MAGI2: variants seen among roughly 807,000 people sequenced by gnomAD.
The protein encoded by MAGI2 is membrane associated guanylate kinase, WW and PDZ domain containing 2.
MAGI2 carries 35 observed loss-of-function variants against 133.3 expected under a neutral mutation model. The observed-to-expected ratio is 0.26, with a 90% confidence interval of 0.20 to 0.35. The LOEUF (loss-of-function observed/expected upper bound fraction) is 0.35. MAGI2 is among the 10% of genes least tolerant of loss of function. The pLI is 1.00. For missense variants in MAGI2, 1,636 were observed against 1,863.4 expected (o/e 0.88, Z 2.25); for synonymous variants, 729 against 710.6 (o/e 1.03, Z -0.41).
intron 1 of MAGI2, among the ~76,000 whole-genome samples, chr7:79,146,870 A>G (rs923868364): frequency 6.6e-6 from 1 of 152,230 alleles, no homozygotes; most frequent in Non-Finnish European, 1.5e-5. Flanking sequence ...TTGCTATTCC[A>G]GTGTAACTCT....
rs149029205 is a variant in MAGI2, at chr7:78,842,155, A to G, written c.418+164935T>C. Among the ~76,000 whole-genome samples, 354 of 152,078 alleles carry G rather than the reference A, an allele frequency of 2.3e-3. 2 individuals carry two copies. The highest frequency in any genetic ancestry group is 8.1e-3 in the African/African-American group (335 of 41,520). On this transcript the variant is annotated intron_variant, in intron 2 of 21. Coordinates refer to ENST00000354212, the MANE Select transcript of MAGI2 (RefSeq NM_012301.4). ...ATCCCGTGTCAGAGAAAGATAATAA[A>G]CAAGTTAAGACGAACAAGTAATAAA...
intron 1 of MAGI2, among the ~76,000 whole-genome samples, chr7:79,052,589 G>A (rs111868096): frequency 4.3e-4 from 65 of 152,202 alleles, no homozygotes; most frequent in African/African-American, 1.4e-3. Context: ...TGACCGCGTC[G>A]CTTGCTTGGG....
intron 18 of MAGI2, among the ~76,000 whole-genome samples, chr7:78,130,502 G>A (rs1821456141): frequency 6.6e-6 from 1 of 152,166 alleles, no homozygotes; most frequent in Non-Finnish European, 1.5e-5. Flanking sequence ...TAAAAAAATG[G>A]CAAAGAGTTT....
At position 78,405,991 on chromosome 7, in the gene MAGI2, C is replaced by T. The variant is rs1460679015; in HGVS notation, c.1046-36778G>A. Among the ~76,000 whole-genome samples the T allele has an allele frequency of 2.0e-5, 3 of 151,882 alleles. No individual in the cohort carries two copies. In the East Asian group the frequency reaches 5.8e-4, roughly 29 times the overall value. On this transcript the variant is annotated intron_variant, in intron 6 of 21. Coordinates refer to ENST00000354212, the MANE Select transcript of MAGI2 (RefSeq NM_012301.4). ...TCATAAAACATCAGAATTTAGTTTA[C>T]AATTGCCTTCAATCAGAGGACCACA...
chr7:78,291,317 A>G (rs1015662691), intron 9 of MAGI2, among the ~76,000 whole-genome samples: 2 of 152,258 alleles, frequency 1.3e-5, no homozygotes, highest in Non-Finnish European at 2.9e-5. Flanking sequence ...TATGCAAATA[A>G]ACTAGAAAAT....
chr7:78,963,210 G>T (rs149667188), intron 2 of MAGI2, among the ~76,000 whole-genome samples: 1 of 152,188 alleles, frequency 6.6e-6, no homozygotes, highest in Admixed American at 6.6e-5. Flanking sequence ...AAGTAGTTGT[G>T]ACAGAGAATG....
chr7:78,834,252 T>C (rs1791427076), intron 2 of MAGI2, among the ~76,000 whole-genome samples: 1 of 152,184 alleles, frequency 6.6e-6, no homozygotes. Flanking sequence ...GGTCAGTGAT[T>C]TTTAATATAT....
chr7:79,201,493 T>C (rs776833568), intron 1 of MAGI2, among the ~76,000 whole-genome samples: 1 of 152,082 alleles, frequency 6.6e-6, no homozygotes, highest in African/African-American at 2.4e-5. Context: ...GTATATTCCA[T>C]GAATAGTGTT....
intron 2 of MAGI2, among the ~76,000 whole-genome samples, chr7:78,937,278 G>C (rs1481449680): frequency 6.6e-6 from 1 of 152,074 alleles, no homozygotes; most frequent in Non-Finnish European, 1.5e-5. Context: ...AAAGAAATCT[G>C]TTAGTCCATA....
At chr7:78,982,840 A>G (rs1307657006) in intron 2 of MAGI2, among the ~76,000 whole-genome samples, 1 of 151,868 alleles carries the variant, frequency 6.6e-6, no homozygotes, top group East Asian at 1.9e-4. Context: ...GCCAAAGAGG[A>G]TGAAAATGGA....
At chr7:79,362,123 C>T (rs1331230629) in intron 1 of MAGI2, among the ~76,000 whole-genome samples, 1 of 148,666 alleles carries the variant, frequency 6.7e-6, no homozygotes, top group Non-Finnish European at 1.5e-5. Flanking sequence ...CAATAAAACA[C>T]ATAGCTTTTT....
chr7:79,175,661 A>G (rs1217685743), intron 1 of MAGI2, among the ~76,000 whole-genome samples: 1 of 152,032 alleles, frequency 6.6e-6, no homozygotes, highest in Non-Finnish European at 1.5e-5. Flanking sequence ...GTAGCCTACT[A>G]CATACCTAGG....
chr7:79,317,019 C>CTTT (rs58130248), intron 1 of MAGI2, among the ~76,000 whole-genome samples: 19 of 101,720 alleles, frequency 1.9e-4, no homozygotes, highest in Non-Finnish European at 2.2e-4. Flanking sequence ...TTTTCTTTTT[C>CTTT]TTTTTTTTTT....
At chr7:79,299,667 A>AC (rs1837235587) in intron 1 of MAGI2, among the ~76,000 whole-genome samples, 1 of 151,670 alleles carries the variant, frequency 6.6e-6, no homozygotes, top group African/African-American at 2.4e-5. Flanking sequence ...AAAAAGATTC[A>AC]CTAAAAAAAC....
rs7800480 is a variant in MAGI2 at position 78,594,081 on chromosome 7, T to G, written c.538+33039A>C. Among the ~76,000 whole-genome samples the G allele has an allele frequency of 0.015, 2,238 of 152,338 alleles. 91 individuals carry two copies. The South Asian group carries it at 0.16, about 11-fold the overall frequency. On this transcript the variant is annotated intron_variant, in intron 3 of 21. Coordinates refer to ENST00000354212, the MANE Select transcript of MAGI2 (RefSeq NM_012301.4). ...TTAAATCATCCTGTAGGAATGTACC[T>G]AGTCAACACCATCTCCTTCAACCAA...
At chr7:78,565,364 C>T (rs1482360346) in intron 3 of MAGI2, among the ~76,000 whole-genome samples, 1 of 151,268 alleles carries the variant, frequency 6.6e-6, no homozygotes, top group Non-Finnish European at 1.5e-5. Flanking sequence ...ACTTGGGAGG[C>T]TGAAGTAGGA....
chr7:79,132,615 GTC>G (rs1468580601), intron 1 of MAGI2, among the ~76,000 whole-genome samples: 2 of 152,178 alleles, frequency 1.3e-5, no homozygotes, highest in East Asian at 3.9e-4. Context: ...GGGTGTAAGT[GTC>G]TTTTTTGTAT....
intron 1 of MAGI2, among the ~76,000 whole-genome samples, chr7:79,028,273 G>GTATA (rs1562805388): frequency 4.8e-4 from 10 of 20,670 alleles, no homozygotes; most frequent in African/African-American, 1.2e-3. Flanking sequence ...ATATATGTAT[G>GTATA]TATGTATATA....
At chr7:79,385,286 T>C (rs531993322) in intron 1 of MAGI2, among the ~76,000 whole-genome samples, 2 of 152,026 alleles carry the variant, frequency 1.3e-5, no homozygotes, top group Admixed American at 1.3e-4. Context: ...TTTCTGAACC[T>C]GGAGTACTAT....
Sources: allele counts gnomAD v4.1 joint callset (sites outside exome capture counted in the v4.1 genomes callset), GRCh38; gene constraint gnomAD v4.1.1; transcripts MANE v1.5; gene names NCBI Gene and HGNC (gene_info 2026-07-23, HGNC 2026-07-21).